The following MAPDA variants were observed in gnomAD, a reference collection of about 807,000 sequenced individuals.
MAPDA encodes N6-Methyl-AMP deaminase.
chr15:43,336,197 A>C, the MAPDA span, among the ~76,000 whole-genome samples: 1 of 152,128 alleles, frequency 6.6e-6, no homozygotes, highest in Non-Finnish European at 1.5e-5. Context: ...GCACGCCACC[A>C]TGACTGGCTA....
chr15:43,334,055 A>AGT, the MAPDA span, among the ~76,000 whole-genome samples: 23 of 152,260 alleles, frequency 1.5e-4, no homozygotes, highest in African/African-American at 5.5e-4. Flanking sequence ...CAAGTATATC[A>AGT]GTGATTGAGA....
chr15:43,334,937 T>C, the MAPDA span: 2 of 521,808 alleles, frequency 3.8e-6, no homozygotes, highest in Non-Finnish European at 6.7e-6. Flanking sequence ...TAACATTTGT[T>C]AAAATAGGTG....
the MAPDA span, chr15:43,349,001 C>G: frequency 6.2e-7 from 1 of 1,614,154 alleles, no homozygotes; most frequent in South Asian, 1.1e-5. Context: ...GAGGGAGGAT[C>G]CCTGGATCTG....
the MAPDA span, chr15:43,354,255 A>G: frequency 6.6e-6 from 1 of 152,176 alleles, no homozygotes; most frequent in African/African-American, 2.4e-5. Context: ...ACTTTGTTTT[A>G]AGGAACAGGG....
At chr15:43,333,762 C>T in the MAPDA span, among the ~76,000 whole-genome samples, 17 of 152,200 alleles carry the variant, frequency 1.1e-4, no homozygotes, top group Non-Finnish European at 2.5e-4. Flanking sequence ...TTATTAAAAG[C>T]GCTTGTCACA....
At chr15:43,346,058 C>T in the MAPDA span, 1 of 1,571,458 alleles carries the variant, frequency 6.4e-7, no homozygotes, top group Non-Finnish European at 8.7e-7. Context: ...GGGCATCTTG[C>T]ATTGCATTCT....
chr15:43,340,271 A>G, the MAPDA span: 44 of 1,614,052 alleles, frequency 2.7e-5, no homozygotes, highest in African/African-American at 1.3e-5. Context: ...TCAGGTCACA[A>G]AAGATGTCAT....
the MAPDA span, chr15:43,335,056 A>G: frequency 2.6e-6 from 4 of 1,560,378 alleles, no homozygotes; most frequent in Non-Finnish European, 3.5e-6. Flanking sequence ...AATACATCAT[A>G]TTGCTCATAC....
the MAPDA span, chr15:43,351,086 A>G: frequency 4.0e-6 from 6 of 1,503,342 alleles, no homozygotes; most frequent in Non-Finnish European, 4.5e-6. Context: ...TTGCTCCCTG[A>G]GTTGCATTAA....
the MAPDA span, among the ~76,000 whole-genome samples, chr15:43,340,644 A>T: frequency 6.6e-6 from 1 of 152,144 alleles, no homozygotes; most frequent in Non-Finnish European, 1.5e-5. Flanking sequence ...CTCAGCCTCT[A>T]AAAGTGCTGG....
At chr15:43,337,241 A>G in the MAPDA span, among the ~76,000 whole-genome samples, 17 of 145,286 alleles carry the variant, frequency 1.2e-4, no homozygotes, top group African/African-American at 4.1e-4. Context: ...GCGCCACCGC[A>G]CTCCAGCCTG....
chr15:43,351,018 A>G, the MAPDA span: 2 of 1,551,588 alleles, frequency 1.3e-6, no homozygotes, highest in Non-Finnish European at 1.7e-6. Flanking sequence ...CTGGTACAGC[A>G]TTGCCCATCC....
At chr15:43,334,661 A>ATATATATATATATATATATATATATATT in the MAPDA span, among the ~76,000 whole-genome samples, 6 of 117,106 alleles carry the variant, frequency 5.1e-5, no homozygotes, top group Non-Finnish European at 8.8e-5. Context: ...ATATATATAT[A>ATATATATATATATATATATATATATATT]TATTTTATCC....
chr15:43,351,107 CACTATCTAGCTG>C, the MAPDA span: 2 of 1,417,968 alleles, frequency 1.4e-6, no homozygotes, highest in Non-Finnish European at 9.7e-7. Context: ...TTCAGATGTT[CACTATCTAGCTG>C]ACTGCCTTGC....
At chr15:43,340,893 G>T in the MAPDA span, among the ~76,000 whole-genome samples, 1 of 152,138 alleles carries the variant, frequency 6.6e-6, no homozygotes, top group East Asian at 1.9e-4. Context: ...CTGCATCATG[G>T]GCACTTGTGA....
chr15:43,336,733 A>G, the MAPDA span: 7 of 1,416,786 alleles, frequency 4.9e-6, no homozygotes, highest in East Asian at 1.3e-4. Flanking sequence ...TTATGAAGTA[A>G]TTTCCTTCCA....
chr15:43,350,498 A>G, the MAPDA span, among the ~76,000 whole-genome samples: 1 of 152,140 alleles, frequency 6.6e-6, no homozygotes, highest in Non-Finnish European at 1.5e-5. Context: ...GTCTCTGCTC[A>G]TTCTTAGCTC....
the MAPDA span, chr15:43,336,591 C>A: frequency 2.2e-5 from 33 of 1,515,834 alleles, no homozygotes; most frequent in Non-Finnish European, 2.8e-5. Context: ...TCTTTGATGA[C>A]TAGATTATGT....
the MAPDA span, chr15:43,345,725 T>G: frequency 3.6e-6 from 4 of 1,101,318 alleles, no homozygotes; most frequent in South Asian, 2.9e-5. Context: ...TTGTCTAGAT[T>G]CAGTCAGGCT....
Sources: gnomAD v4.1 joint callset for allele counts (sites outside exome capture counted in the v4.1 genomes callset) on GRCh38, gnomAD v4.1.1 for gene constraint, MANE v1.5 for transcripts, NCBI Gene and HGNC (gene_info 2026-07-23, HGNC 2026-07-21) for gene names.